The following CAP2 variants were observed in gnomAD, a reference collection of about 807,000 sequenced individuals.
CAP2 encodes cyclase associated actin cytoskeleton regulatory protein 2.
Under a neutral mutation model 57.7 loss-of-function variants are expected in CAP2, and 24 were observed. The observed-to-expected ratio is 0.42, with a 90% CI of 0.30 to 0.58. The LOEUF is 0.58. Ranked by LOEUF, CAP2 falls within the 20% of genes least tolerant of loss-of-function variation. The probability of loss-of-function intolerance (pLI) is 0.22; values close to 1 mark genes in which losing one functional copy is unlikely to be tolerated. For missense variants in CAP2, 501 were observed against 590.3 expected, an observed-to-expected ratio of 0.85 and a Z score of 1.57; for synonymous variants, 194 against 207.2, an observed-to-expected ratio of 0.94 and a Z score of 0.55.
At chr6:17,495,702 G>T (rs1761646165) in intron 4 of CAP2, among the ~76,000 whole-genome samples, 2 of 152,190 alleles carry the variant, frequency 1.3e-5, no homozygotes, top group African/African-American at 4.8e-5. Context: ...ACTCGAAGAT[G>T]AAAGTTCATT....
intron 1 of CAP2, among the ~76,000 whole-genome samples, chr6:17,402,591 T>C (rs982851854): frequency 6.6e-6 from 1 of 152,222 alleles, no homozygotes; most frequent in Admixed American, 6.5e-5. Context: ...TTCAAACTTA[T>C]TTAAAAAATG....
chr6:17,445,359 G>A (rs1431899501), intron 3 of CAP2, among the ~76,000 whole-genome samples: 2 of 152,302 alleles, frequency 1.3e-5, no homozygotes, highest in East Asian at 3.9e-4. Context: ...CACCCATCTC[G>A]GCCTCCGAAA....
chr6:17,408,653 T>G (rs1388002765), intron 1 of CAP2, among the ~76,000 whole-genome samples: 1 of 147,684 alleles, frequency 6.8e-6, no homozygotes, highest in African/African-American at 2.6e-5. Context: ...TATGAAATGA[T>G]AGCCTCCTTT....
At position 17,502,240 on chromosome 6, in the gene CAP2, C is replaced by T. The variant is rs138098240; in HGVS notation, c.301-4929C>T. On this transcript the variant is annotated intron_variant, in intron 4 of 12. Coordinates refer to ENST00000229922, the MANE Select transcript of CAP2 (RefSeq NM_006366.3). ...GTATTGATTGAGTGTGCCTAATATA[C>T]GCTTAATACTGAAACAAGTTGAAGT... is the stretch of plus-strand genomic sequence containing the variant. 2.9e-3 allele frequency among the ~76,000 whole-genome samples: 441 copies of T among 152,176 alleles called. 3 individuals are homozygous for T. Among genetic ancestry groups the T allele is most frequent in the African/African-American group, 9.9e-3 (409 of 41,520 alleles).
At chr6:17,507,597 T>A (rs778067921) in intron 5 of CAP2, 44 bp from the exon 6 acceptor site, 1 of 1,119,864 alleles carries the variant, frequency 8.9e-7, no homozygotes, top group Non-Finnish European at 1.3e-6. Context: ...TCTTATCCTA[T>A]TTTTTTTTCC....
chr6:17,541,101 C>T lies in CAP2; in HGVS notation c.955C>T (p.Gln319Ter). ...CACATCTCCTAAATCTTATCCTTCT[C>T]AAAAACATGCCCCAGTGTTGGAGTT... is the stretch of plus-strand genomic sequence containing the variant. ...SPTSPKSYPS[Q>*]KHAPVLELEG... The change falls in exon 9 of 13, where the codon CAA becomes TAA. Residue 319 changes from glutamine to a stop codon, truncating the protein, a stop_gained. Transcript: ENST00000229922. LOFTEE classifies it high-confidence loss of function. 6.2e-7 allele frequency: 1 copy of T among 1,613,930 alleles called. No homozygotes were observed. Among genetic ancestry groups the T allele is most frequent in the Non-Finnish European group, 8.5e-7 (1 of 1,179,898 alleles).
chr6:17,440,493 T>C (rs933184210), intron 3 of CAP2, among the ~76,000 whole-genome samples: 2 of 151,578 alleles, frequency 1.3e-5, no homozygotes, highest in African/African-American at 2.4e-5. Context: ...CTTTCATGTC[T>C]TTTTATTTAC....
At chr6:17,397,919 A>G (rs1037112390) in intron 1 of CAP2, among the ~76,000 whole-genome samples, 1 of 150,546 alleles carries the variant, frequency 6.6e-6, no homozygotes, top group Admixed American at 6.6e-5. Flanking sequence ...CATGTATTTT[A>G]ATGGGAAAAA....
rs10557884 is a variant in CAP2 at position 17,550,394 on chromosome 6, C to CTTTTTT, written c.1210-1048_1210-1043dup. 1.3e-4 allele frequency among the ~76,000 whole-genome samples: 7 copies of CTTTTTT among 52,012 alleles called. 2 individuals carry two copies. The East Asian group carries it at 3.6e-3, about 27-fold the overall frequency. 34.1% of individuals were successfully genotyped at this position (52,012 alleles called of 152,430 possible). ...GTACCTGACCTTGAACTACCCCTGC[C>CTTTTTT]TTTTTTTTTTTTTTTTTTTTTTTTT... On this transcript the variant is annotated intron_variant, in intron 11 of 12. Transcript: ENST00000229922.
chr6:17,470,368 C>T (rs1330810263), intron 4 of CAP2, among the ~76,000 whole-genome samples: 1 of 152,074 alleles, frequency 6.6e-6, no homozygotes, highest in South Asian at 2.1e-4. Flanking sequence ...AAAAAGCAGG[C>T]GAGGGTCATG....
chr6:17,405,498 G>GTCTCTCTCTCTCTC (rs57158664), intron 1 of CAP2, among the ~76,000 whole-genome samples: 37 of 148,514 alleles, frequency 2.5e-4, no homozygotes, highest in African/African-American at 8.6e-4. Context: ...TGAATGTGGA[G>GTCTCTCTCTCTCTC]TCTCTCTCTC....
chr6:17,460,620 G>A (rs9477440), intron 3 of CAP2, among the ~76,000 whole-genome samples: 20,525 of 152,072 alleles, frequency 0.13, 4,479 homozygotes, highest in African/African-American at 0.46. Context: ...AATTATCCCA[G>A]TCTCAACATT....
chr6:17,400,781 C>T (rs1581485150), intron 1 of CAP2, among the ~76,000 whole-genome samples: 1 of 151,166 alleles, frequency 6.6e-6, no homozygotes, highest in East Asian at 2.0e-4. Flanking sequence ...AGGAGAATGG[C>T]GTGAACCCAG....
In CAP2 at chr6:17,440,827, C is replaced by T. The variant is rs1016522717; in HGVS notation, c.222+14137C>T. On this transcript the variant is annotated intron_variant, in intron 3 of 12. Coordinates refer to ENST00000229922, the MANE Select transcript of CAP2 (RefSeq NM_006366.3). ...TAATGCTATCCCTCCCACATCCCCC[C>T]ACCCCATGACAGGCCCTAGTGTGTG... 1.5e-4 allele frequency among the ~76,000 whole-genome samples: 23 copies of T among 151,290 alleles called. 3 individuals are homozygous for T. Among genetic ancestry groups the T allele is most frequent in the African/African-American group, 5.7e-4 (23 of 40,690 alleles).
chr6:17,404,950 C>T (rs766095500), intron 1 of CAP2, among the ~76,000 whole-genome samples: 2 of 152,212 alleles, frequency 1.3e-5, no homozygotes, highest in South Asian at 4.1e-4. Context: ...ATATGTATAA[C>T]AGACAGACAG....
At chr6:17,547,590 C>T (rs1449350993) in intron 11 of CAP2, among the ~76,000 whole-genome samples, 1 of 152,060 alleles carries the variant, frequency 6.6e-6, no homozygotes, top group Non-Finnish European at 1.5e-5. Context: ...GCCTGTAATC[C>T]CAGCATTTTG....
intron 2 of CAP2, among the ~76,000 whole-genome samples, chr6:17,422,327 C>G (rs964487151): frequency 1.4e-5 from 2 of 146,916 alleles, no homozygotes; most frequent in Admixed American, 6.8e-5. Flanking sequence ...TTACCTTTGC[C>G]TATTCCTAAC....
At chr6:17,424,596 C>T (rs1490469070) in intron 2 of CAP2, among the ~76,000 whole-genome samples, 1 of 152,142 alleles carries the variant, frequency 6.6e-6, no homozygotes, top group Non-Finnish European at 1.5e-5. Context: ...GCGACAAACA[C>T]TGTGCTAGGT....
intron 1 of CAP2, among the ~76,000 whole-genome samples, chr6:17,394,766 A>G (rs966776905): frequency 6.6e-6 from 1 of 152,250 alleles, no homozygotes; most frequent in Admixed American, 6.5e-5. Context: ...TTACAACGGT[A>G]GAGTGAACTT....
Sources: allele counts gnomAD v4.1 joint callset (sites outside exome capture counted in the v4.1 genomes callset), GRCh38; gene constraint gnomAD v4.1.1; transcripts MANE v1.5; gene names NCBI Gene and HGNC (gene_info 2026-07-23, HGNC 2026-07-21).